Variants in NPAT observed in about 807,000 individuals in gnomAD.
The protein encoded by NPAT is protein NPAT.
In NPAT, 52 loss-of-function variants were observed where a neutral mutation model predicts 130.7. That is an observed-to-expected ratio of 0.40 (90% CI 0.32 to 0.50). The LOEUF (loss-of-function observed/expected upper bound fraction) is 0.50, where lower values mean the gene tolerates loss of function less well. NPAT is among the 20% of genes least tolerant of loss of function. NPAT has a pLI of 0.68. For synonymous variants in NPAT, 580 were observed against 584.8 expected (o/e 0.99, Z 0.12); for missense variants, 1,687 against 1,662.6 (o/e 1.01, Z -0.26).
At chr11:108,175,820 T>A (rs1317881304) in intron 12 of NPAT, among the ~76,000 whole-genome samples, 1 of 152,218 alleles carries the variant, frequency 6.6e-6, no homozygotes, top group African/African-American at 2.4e-5. Context: ...TTTGAGCAAC[T>A]GAACAACATT....
chr11:108,185,859 A>G (rs937520903), intron 8 of NPAT, among the ~76,000 whole-genome samples: 1 of 152,190 alleles, frequency 6.6e-6, no homozygotes, highest in African/African-American at 2.4e-5. Context: ...CCTCCTGAAT[A>G]GTAGCTGGGA....
chr11:108,198,380 A>G (rs2078243925), intron 1 of NPAT, among the ~76,000 whole-genome samples: 1 of 152,214 alleles, frequency 6.6e-6, no homozygotes, highest in Non-Finnish European at 1.5e-5. Flanking sequence ...ACTTTAAATA[A>G]GCAATTTTAA....
chr11:108,172,554 C>T lies in NPAT; in HGVS notation c.2430G>A (p.Met810Ile). The T allele has an allele frequency of 6.2e-7, 1 of 1,614,140 alleles. No homozygotes were observed. Among genetic ancestry groups the T allele is most frequent in the South Asian group, 1.1e-5 (1 of 91,078 alleles). The change falls in exon 13 of 18, where the codon ATG becomes ATA. Residue 810 changes from methionine (M) to isoleucine (I), a missense_variant. Met to Ile is a conservative substitution (Grantham distance 10). Coordinates refer to ENST00000278612, the MANE Select transcript of NPAT (RefSeq NM_002519.3). ...VYAEVGDSAS[M>I]EQSLLTFKSE... ...ATTTGAATGTTAAAAGACTCTGTTC[C>T]ATTGAGGCTGAATCCCCTACTTCGG...
rs531594198 is a variant in NPAT at position 108,200,202 on chromosome 11, C to T, written c.38-2782G>A. ...AGGAGTCAGCACAGTCCTATGACTA[C>T]AGGGAGCTTTGCTATGTAAGAGACT... On this transcript the variant is annotated intron_variant, in intron 1 of 17. Transcript: ENST00000278612. 2.6e-5 allele frequency among the ~76,000 whole-genome samples: 4 copies of T among 152,304 alleles called. 1 individual carries two copies. The highest frequency in any genetic ancestry group is 2.6e-4 in the Admixed American group (4 of 15,304).
At chr11:108,218,070 T>G (rs552071447) in intron 1 of NPAT, among the ~76,000 whole-genome samples, 29 of 152,320 alleles carry the variant, frequency 1.9e-4, no homozygotes, top group Non-Finnish European at 1.5e-5. Flanking sequence ...ATCGTTATTC[T>G]ACAACTAATA....
At chr11:108,196,270 G>T (rs1375106868) in intron 2 of NPAT, among the ~76,000 whole-genome samples, 1 of 152,200 alleles carries the variant, frequency 6.6e-6, no homozygotes, top group African/African-American at 2.4e-5. Flanking sequence ...AATCAGATGT[G>T]TGGGTCTCTA....
At chr11:108,194,805 A>G (rs1005899933) in intron 2 of NPAT, among the ~76,000 whole-genome samples, 1 of 149,258 alleles carries the variant, frequency 6.7e-6, no homozygotes, top group Non-Finnish European at 1.5e-5. Flanking sequence ...GTGAGCCATC[A>G]CGCCTGGCCT....
intron 10 of NPAT, among the ~76,000 whole-genome samples, chr11:108,178,371 G>C (rs2078028810): frequency 6.6e-6 from 1 of 152,030 alleles, no homozygotes; most frequent in Admixed American, 6.6e-5. Flanking sequence ...TGAGAAATAG[G>C]GAGTAGATAC....
chr11:108,200,497 A>C (rs1407255952), intron 1 of NPAT, among the ~76,000 whole-genome samples: 1 of 152,166 alleles, frequency 6.6e-6, no homozygotes, highest in African/African-American at 2.4e-5. Context: ...AGTGCAGACC[A>C]ATATTAATTA....
chr11:108,182,474 C>CA (rs1365371634), intron 10 of NPAT, among the ~76,000 whole-genome samples: 1 of 152,200 alleles, frequency 6.6e-6, no homozygotes, highest in Non-Finnish European at 1.5e-5. Context: ...ATTCCCTATA[C>CA]TGTCTTAAAA....
intron 15 of NPAT, among the ~76,000 whole-genome samples, chr11:108,163,450 G>A (rs187651782): frequency 6.6e-6 from 1 of 152,210 alleles, no homozygotes; most frequent in Non-Finnish European, 1.5e-5. Context: ...GCAATAATGT[G>A]GAAGATGGAA....
rs183042191 is a variant in NPAT at position 108,199,232 on chromosome 11, G to A, written c.38-1812C>T. ...GTTGCTGGTATCTCCAAGTTTTTGG[G>A]CGCTGCTGTGTCACCCTCACCCAGA... On this transcript the variant is annotated intron_variant, in intron 1 of 17. Transcript: ENST00000278612. Among the ~76,000 whole-genome samples the A allele has an allele frequency of 7.9e-5, 12 of 152,316 alleles. No individual in the cohort carries two copies. The East Asian group carries it at 1.9e-3, about 25-fold the overall frequency.
In NPAT at chr11:108,172,993, G is replaced by A. The variant is rs1484584170; in HGVS notation, c.1991C>T (p.Ser664Phe). 15 of 1,614,072 alleles carry A rather than the reference G, an allele frequency of 9.3e-6. No homozygotes were observed. Among genetic ancestry groups the A allele is most frequent in the Non-Finnish European group, 1.3e-5 (15 of 1,180,028 alleles). ...AATAGTATTCTCTTCTTTTACAGAA[G>A]ATGAAGGCTCCTGTGAATTCTCAGA... ...SKSENSQEPS[S>F]SVKEENTIFL... is the part of the protein sequence containing the mutation. Residue 664 changes from serine (S) to phenylalanine (F), a missense_variant, in exon 13 of 18, where the codon TCT becomes TTT. Ser to Phe is a radical substitution (Grantham distance 155). Coordinates refer to ENST00000278612, the MANE Select transcript of NPAT (RefSeq NM_002519.3).
Position 108,169,767 on chromosome 11 carries a change from C to G in NPAT, c.2987G>C (p.Gly996Ala). The change falls in exon 15 of 18, where the codon GGA becomes GCA. Residue 996 changes from glycine (G) to alanine (A), a missense_variant. By Grantham distance (60) the Gly-to-Ala change is moderately conservative. Around this residue, in one of 3 missense-constraint regions of NPAT, gnomAD observed 1,379 missense variants for 1,346.6 expected, o/e 1.02. Coordinates refer to ENST00000278612, the MANE Select transcript of NPAT (RefSeq NM_002519.3). The stretch of plus-strand genomic sequence containing the variant: ...ACCTATACAAGGCTTGTTTCTTAGT[C>G]CCTGAGCCTTCTGAGATTTTGGAGG... ...PVPPKSQKAQ[G>A]LRNKPCIGKQ... 1 of 1,612,726 alleles carries G rather than the reference C, an allele frequency of 6.2e-7. No individual in the cohort carries two copies. Among genetic ancestry groups the G allele is most frequent in the Non-Finnish European group, 8.5e-7 (1 of 1,178,732 alleles).
At chr11:108,219,326 C>G (rs2078462371) in intron 1 of NPAT, among the ~76,000 whole-genome samples, 1 of 152,198 alleles carries the variant, frequency 6.6e-6, no homozygotes, top group Non-Finnish European at 1.5e-5. Flanking sequence ...TGCTTCCTCT[C>G]TCCTTATCCT....
At position 108,161,440 on chromosome 11, in the gene NPAT, T is replaced by G; in HGVS notation, c.3646A>C (p.Asn1216His). 6.2e-7 allele frequency: 1 copy of G among 1,614,246 alleles called. No homozygotes were observed. Among genetic ancestry groups the G allele is most frequent in the African/African-American group, 1.3e-5 (1 of 75,060 alleles). ...EMTKKQGTSS[N>H]NKNVLSVGTA... ...CCTACTGAAAGTACATTTTTATTGTTTGAAGATGTGCCTTGTTTTTTGGTC... is the reference window on the plus strand; with the variant it reads ...CCTACTGAAAGTACATTTTTATTGTGTGAAGATGTGCCTTGTTTTTTGGTC... Residue 1216 changes from asparagine to histidine, a missense_variant, in exon 17 of 18, where the codon AAC (asparagine) becomes CAC (histidine). Physicochemically the swap from Asn to His is moderately conservative, Grantham distance 68. Coordinates refer to ENST00000278612, the MANE Select transcript of NPAT (RefSeq NM_002519.3).
At chr11:108,165,470 A>ACT (rs1555039313) in intron 15 of NPAT, among the ~76,000 whole-genome samples, 1 of 117,862 alleles carries the variant, frequency 8.5e-6, no homozygotes, top group Non-Finnish European at 1.7e-5. Context: ...ATATATATAT[A>ACT]TATTTTTTTT....
intron 15 of NPAT, among the ~76,000 whole-genome samples, chr11:108,168,414 A>G (rs570850728): frequency 6.6e-6 from 1 of 152,364 alleles, no homozygotes; most frequent in East Asian, 1.9e-4. Context: ...GAGTAGCTAT[A>G]ACAGGACATA....
chr11:108,187,421 T>TA (rs1219031408), intron 7 of NPAT, among the ~76,000 whole-genome samples: 8 of 152,140 alleles, frequency 5.3e-5, no homozygotes, highest in African/African-American at 1.9e-4. Flanking sequence ...CACTATACTC[T>TA]AACCTGGTCA....
Sources: gnomAD v4.1 joint callset for allele counts (sites outside exome capture counted in the v4.1 genomes callset) on GRCh38, gnomAD v4.1.1 for gene constraint, gnomAD v4.1.1 regional missense constraint, MANE v1.5 for transcripts, NCBI Gene and HGNC (gene_info 2026-07-23, HGNC 2026-07-21) for gene names.